The following PPM1E variants were observed in gnomAD, a reference collection of about 807,000 sequenced individuals.
PPM1E encodes the protein protein phosphatase, Mg2+/Mn2+ dependent 1E.
PPM1E carries 20 observed loss-of-function variants against 65.9 expected under a neutral mutation model. The observed-to-expected ratio is 0.30, with a 90% confidence interval of 0.21 to 0.44. The LOEUF is 0.44. Ranked by LOEUF, PPM1E falls within the 20% of genes least tolerant of loss-of-function variation. The pLI, the probability that PPM1E is intolerant of heterozygous loss-of-function variation, is 1.00. For synonymous variants in PPM1E, 352 were observed against 374.9 expected (o/e 0.94, Z 0.70); for missense variants, 713 against 953.1 (o/e 0.75, Z 3.32).
At chr17:58,772,977 T>C (rs1351458148) in intron 1 of PPM1E, among the ~76,000 whole-genome samples, 2 of 150,780 alleles carry the variant, frequency 1.3e-5, no homozygotes, top group African/African-American at 4.9e-5. Flanking sequence ...TCTCTCTCTT[T>C]TTTTTTTTTT....
intron 1 of PPM1E, among the ~76,000 whole-genome samples, chr17:58,835,383 T>G (rs1352529057): frequency 6.6e-6 from 1 of 152,140 alleles, no homozygotes; most frequent in Non-Finnish European, 1.5e-5. Flanking sequence ...TTTTGTAGTT[T>G]TTGGCACACA....
At chr17:58,764,979 C>T (rs1567826699) in intron 1 of PPM1E, among the ~76,000 whole-genome samples, 1 of 151,950 alleles carries the variant, frequency 6.6e-6, no homozygotes, top group Non-Finnish European at 1.5e-5. Context: ...TCTGCTCTCC[C>T]ATGAAAGGTA....
chr17:58,922,438 G>T (rs934562299), intron 1 of PPM1E, among the ~76,000 whole-genome samples: 3 of 151,782 alleles, frequency 2.0e-5, no homozygotes, highest in Non-Finnish European at 4.4e-5. Context: ...TTTTTTTGTA[G>T]AGATGGGATA....
At chr17:58,762,042 A>G (rs2049826413) in intron 1 of PPM1E, among the ~76,000 whole-genome samples, 2 of 152,268 alleles carry the variant, frequency 1.3e-5, no homozygotes, top group South Asian at 4.1e-4. Context: ...AGGGAGTGCA[A>G]ATTCCACAGC....
intron 1 of PPM1E, among the ~76,000 whole-genome samples, chr17:58,954,171 G>A (rs937884231): frequency 1.3e-5 from 2 of 152,108 alleles, no homozygotes; most frequent in Non-Finnish European, 2.9e-5. Flanking sequence ...TAGTTGCTCA[G>A]ACCAAAACCC....
intron 1 of PPM1E, among the ~76,000 whole-genome samples, chr17:58,892,589 A>C (rs1167672769): frequency 6.6e-6 from 1 of 152,150 alleles, no homozygotes; most frequent in Non-Finnish European, 1.5e-5. Context: ...AAAAATAATA[A>C]TAATAAAATG....
At chr17:58,958,163 T>A (rs552631506) in intron 2 of PPM1E, among the ~76,000 whole-genome samples, 1 of 152,042 alleles carries the variant, frequency 6.6e-6, no homozygotes, top group Non-Finnish European at 1.5e-5. Flanking sequence ...AAAAACCAAT[T>A]TGAAATATCA....
At chr17:58,929,945 G>T (rs2051870580) in intron 1 of PPM1E, among the ~76,000 whole-genome samples, 1 of 152,068 alleles carries the variant, frequency 6.6e-6, no homozygotes, top group Admixed American at 6.5e-5. Flanking sequence ...AGCTTTGGAA[G>T]GTCGTAAAAA....
intron 1 of PPM1E, among the ~76,000 whole-genome samples, chr17:58,947,045 G>T (rs1320098675): frequency 6.7e-6 from 1 of 150,136 alleles, no homozygotes; most frequent in Non-Finnish European, 1.5e-5. Context: ...TTTGCATGTG[G>T]ATATCCAATT....
chr17:58,862,004 G>A (rs1322058696), intron 1 of PPM1E, among the ~76,000 whole-genome samples: 2 of 152,092 alleles, frequency 1.3e-5, no homozygotes, highest in Non-Finnish European at 2.9e-5. Flanking sequence ...TGGTCCTTGG[G>A]TTCTTTGTCT....
At chr17:58,970,519 CT>C (rs1009395862) in intron 4 of PPM1E, among the ~76,000 whole-genome samples, 24 of 152,102 alleles carry the variant, frequency 1.6e-4, no homozygotes, top group Non-Finnish European at 3.2e-4. Flanking sequence ...AACATTAACT[CT>C]TTTTAAAATG....
intron 1 of PPM1E, among the ~76,000 whole-genome samples, chr17:58,820,635 A>G (rs1314591577): frequency 6.6e-6 from 1 of 152,254 alleles, no homozygotes; most frequent in Non-Finnish European, 1.5e-5. Flanking sequence ...GACTATATGA[A>G]TAAGTTAAAA....
intron 1 of PPM1E, among the ~76,000 whole-genome samples, chr17:58,837,757 T>A (rs1265741512): frequency 6.6e-6 from 1 of 152,132 alleles, no homozygotes; most frequent in Non-Finnish European, 1.5e-5. Flanking sequence ...CTCGGCCTCC[T>A]GGAATGTTGG....
chr17:58,970,960 TTA>T (rs927669874), intron 4 of PPM1E, among the ~76,000 whole-genome samples: 1 of 152,218 alleles, frequency 6.6e-6, no homozygotes, highest in East Asian at 1.9e-4. Flanking sequence ...CTTCTCAAAA[TTA>T]TGTGTTGTTG....
chr17:58,926,334 A>AT (rs1025408354), intron 1 of PPM1E, among the ~76,000 whole-genome samples: 2 of 151,776 alleles, frequency 1.3e-5, no homozygotes, highest in South Asian at 2.1e-4. Flanking sequence ...TCTTGTCTAA[A>AT]TTAAAAAAAA....
intron 1 of PPM1E, among the ~76,000 whole-genome samples, chr17:58,782,598 G>A (rs2050061306): frequency 6.6e-6 from 1 of 150,376 alleles, no homozygotes; most frequent in Non-Finnish European, 1.5e-5. Flanking sequence ...TTTTAATAGA[G>A]ACGGGGTTTC....
At chr17:58,864,015 C>G (rs2050972339) in intron 1 of PPM1E, among the ~76,000 whole-genome samples, 3 of 150,294 alleles carry the variant, frequency 2.0e-5, no homozygotes, top group African/African-American at 7.4e-5. Context: ...CAGGTCCAGG[C>G]TTGAGGGTGG....
At chr17:58,889,543 G>C (rs1032776694) in intron 1 of PPM1E, among the ~76,000 whole-genome samples, 3 of 152,130 alleles carry the variant, frequency 2.0e-5, no homozygotes, top group African/African-American at 7.2e-5. Context: ...AGGTTGCAGT[G>C]AGCCGAGACC....
At chr17:58,934,597 A>G (rs1434467089) in intron 1 of PPM1E, among the ~76,000 whole-genome samples, 1 of 152,198 alleles carries the variant, frequency 6.6e-6, no homozygotes, top group African/African-American at 2.4e-5. Context: ...TCTGCAGTCT[A>G]GTGGAGGAGC....
Sources: gnomAD v4.1 joint callset for allele counts (sites outside exome capture counted in the v4.1 genomes callset) on GRCh38, gnomAD v4.1.1 for gene constraint, MANE v1.5 for transcripts, NCBI Gene and HGNC (gene_info 2026-07-23, HGNC 2026-07-21) for gene names.